The following CLSTN2 variants were observed in gnomAD, a reference collection of about 807,000 sequenced individuals.
CLSTN2 encodes calsyntenin-2.
Under a neutral mutation model 101.2 loss-of-function variants are expected in CLSTN2, and 48 were observed. That is an observed-to-expected ratio of 0.47 (90% CI 0.38 to 0.60). The LOEUF (loss-of-function observed/expected upper bound fraction) is 0.60. Ranked by LOEUF, CLSTN2 falls within the 20% of genes least tolerant of loss-of-function variation. The pLI, the probability that CLSTN2 is intolerant of heterozygous loss-of-function variation, is 0.00. For synonymous variants in CLSTN2, 481 were observed against 463.6 expected, an observed-to-expected ratio of 1.04 and a Z score of -0.48; for missense variants, 1,160 against 1,238.2, an observed-to-expected ratio of 0.94 and a Z score of 0.95.
chr3:140,321,315 A>C (rs756376810), intron 2 of CLSTN2, among the ~76,000 whole-genome samples: 1 of 152,104 alleles, frequency 6.6e-6, no homozygotes, highest in Non-Finnish European at 1.5e-5. Flanking sequence ...CTCTGTCCTC[A>C]CTGACACACC....
chr3:140,013,417 TTTTGGCTCACAAGGA>T (rs2007129343), intron 1 of CLSTN2, among the ~76,000 whole-genome samples: 1 of 152,154 alleles, frequency 6.6e-6, no homozygotes, highest in Non-Finnish European at 1.5e-5. Flanking sequence ...CGGCTCTTTG[TTTTGGCTCACAAGGA>T]TCCGGAGTTT....
intron 2 of CLSTN2, among the ~76,000 whole-genome samples, chr3:140,223,154 T>C (rs1052954589): frequency 6.6e-6 from 1 of 152,214 alleles, no homozygotes; most frequent in African/African-American, 2.4e-5. Context: ...ATGGCCCTGT[T>C]CACTTGGGCC....
intron 1 of CLSTN2, among the ~76,000 whole-genome samples, chr3:140,113,609 C>T (rs1041084977): frequency 1.3e-5 from 2 of 152,174 alleles, no homozygotes; most frequent in African/African-American, 4.8e-5. Flanking sequence ...GTTTCAGTCA[C>T]ATAATTCCAT....
intron 1 of CLSTN2, among the ~76,000 whole-genome samples, chr3:140,106,102 T>C (rs1442677435): frequency 2.0e-5 from 3 of 152,194 alleles, no homozygotes; most frequent in South Asian, 2.1e-4. Context: ...AGATCCAGTC[T>C]TTAAAGAACT....
chr3:140,228,579 T>G (rs1282006377), intron 2 of CLSTN2, among the ~76,000 whole-genome samples: 3 of 152,188 alleles, frequency 2.0e-5, no homozygotes, highest in Non-Finnish European at 2.9e-5. Context: ...ACCCCACTCT[T>G]GTAGTACCAA....
intron 1 of CLSTN2, among the ~76,000 whole-genome samples, chr3:139,941,682 G>A (rs1935134002): frequency 1.3e-5 from 2 of 152,126 alleles, no homozygotes; most frequent in Admixed American, 6.6e-5. Context: ...GTAGGCATTG[G>A]GTAAGCATAT....
At chr3:140,108,646 A>G (rs2009102337) in intron 1 of CLSTN2, among the ~76,000 whole-genome samples, 1 of 152,224 alleles carries the variant, frequency 6.6e-6, no homozygotes, top group Non-Finnish European at 1.5e-5. Context: ...AGTTAAGGGC[A>G]AGATAAGACA....
intron 1 of CLSTN2, among the ~76,000 whole-genome samples, chr3:139,997,708 A>G (rs1299968375): frequency 6.6e-6 from 1 of 152,158 alleles, no homozygotes; most frequent in Non-Finnish European, 1.5e-5. Context: ...TTTCAAATAC[A>G]CATTTCAAAT....
At chr3:140,199,713 C>T (rs112379775) in intron 2 of CLSTN2, among the ~76,000 whole-genome samples, 2,700 of 152,248 alleles carry the variant, frequency 0.018, 84 homozygotes, top group African/African-American at 0.062. Flanking sequence ...GCCAGTGGGC[C>T]TGGGGTGAGT....
chr3:140,052,016 A>C (rs1357531466), intron 1 of CLSTN2, among the ~76,000 whole-genome samples: 1 of 152,236 alleles, frequency 6.6e-6, no homozygotes, highest in Non-Finnish European at 1.5e-5. Context: ...GTGAAAGCGA[A>C]GACTCAGATA....
At chr3:139,970,164 T>G (rs1261846657) in intron 1 of CLSTN2, among the ~76,000 whole-genome samples, 1 of 152,148 alleles carries the variant, frequency 6.6e-6, no homozygotes, top group Non-Finnish European at 1.5e-5. Context: ...GACATCAGAA[T>G]TTTTAAAAGC....
At chr3:140,483,052 T>A (rs367949311) in intron 8 of CLSTN2, among the ~76,000 whole-genome samples, 1 of 152,238 alleles carries the variant, frequency 6.6e-6, no homozygotes, top group South Asian at 2.1e-4. Flanking sequence ...CAATTTTAGA[T>A]CTTTCTTGCT....
intron 8 of CLSTN2, among the ~76,000 whole-genome samples, chr3:140,515,690 T>C (rs1390920090): frequency 6.6e-6 from 1 of 152,144 alleles, no homozygotes; most frequent in Non-Finnish European, 1.5e-5. Flanking sequence ...GGGTTCTTTT[T>C]GGAGTTGATT....
At chr3:140,021,521 CA>C (rs1389399503) in intron 1 of CLSTN2, among the ~76,000 whole-genome samples, 6 of 152,096 alleles carry the variant, frequency 3.9e-5, no homozygotes, top group Admixed American at 1.3e-4. Context: ...GAGTTAGAAC[CA>C]CCGGTGTGTA....
At chr3:140,189,780 T>G (rs911774924) in intron 2 of CLSTN2, among the ~76,000 whole-genome samples, 2 of 152,214 alleles carry the variant, frequency 1.3e-5, no homozygotes, top group African/African-American at 4.8e-5. Flanking sequence ...GGATATCTAA[T>G]TCCTCCCTCA....
intron 1 of CLSTN2, among the ~76,000 whole-genome samples, chr3:140,022,142 C>T (rs924089127): frequency 5.9e-5 from 9 of 152,168 alleles, no homozygotes; most frequent in Non-Finnish European, 1.0e-4. Flanking sequence ...AGCCTGGTTG[C>T]CCCAGAGGGC....
chr3:140,063,950 C>T (rs145902720), intron 1 of CLSTN2, among the ~76,000 whole-genome samples: 2 of 152,194 alleles, frequency 1.3e-5, no homozygotes, highest in African/African-American at 2.4e-5. Context: ...GCTGTTCTTG[C>T]AGCTGGAGTG....
rs1041042753 is a variant in CLSTN2 at position 140,473,745 on chromosome 3, T to G, written c.1344+7014T>G. 7.9e-4 allele frequency among the ~76,000 whole-genome samples: 23 copies of G among 29,212 alleles called. 1 individual carries two copies. The highest frequency in any genetic ancestry group is 6.2e-3 in the East Asian group (11 of 1,768). 19.2% of individuals were successfully genotyped at this position (29,212 alleles called of 152,430 possible). ...AATAAATCTATGGGGGTTTTTTGTGTTTTTTTTTTGTTGTTGTTGTTTGTT... is the reference window on the plus strand; with the variant it reads ...AATAAATCTATGGGGGTTTTTTGTGGTTTTTTTTTGTTGTTGTTGTTTGTT... On this transcript the variant is annotated intron_variant, in intron 8 of 16. Transcript: ENST00000458420.
Position 140,566,088 on chromosome 3 carries a change from T to TGAGGGAGAAGAG in CLSTN2, c.2708_2719dup (p.Gly903_Glu906dup). The TGAGGGAGAAGAG allele has an allele frequency of 6.2e-7, 1 of 1,613,282 alleles. No homozygotes were observed. On this transcript the variant is annotated inframe_insertion, in exon 17 of 17. Transcript: ENST00000458420. ...GACCAGGGCATGGGGAAGATGAGAC[T>TGAGGGAGAAGAG]GAGGGAGAAGAGGAGGAAGAAGCCG...
Sources: allele counts gnomAD v4.1 joint callset (sites outside exome capture counted in the v4.1 genomes callset), GRCh38; gene constraint gnomAD v4.1.1; transcripts MANE v1.5; gene names NCBI Gene and HGNC (gene_info 2026-07-23, HGNC 2026-07-21).